The following WIZ variants were observed in gnomAD, a reference collection of about 807,000 sequenced individuals.
The protein encoded by WIZ is protein Wiz.
A neutral mutation model predicts 140.2 loss-of-function variants in WIZ; 25 were observed. That is an observed-to-expected ratio of 0.18 (90% CI 0.13 to 0.25). The LOEUF (loss-of-function observed/expected upper bound fraction) is 0.25. Ranked by LOEUF, WIZ falls within the 10% of genes least tolerant of loss-of-function variation. The pLI is 1.00. For missense variants in WIZ, 2,231 were observed against 2,632.6 expected (o/e 0.85, Z 3.34); for synonymous variants, 1,125 against 1,154.3 (o/e 0.97, Z 0.51).
chr19:15,427,895 C>T lies in WIZ; in HGVS notation c.3814+215G>A, dbSNP rs886817398. Among the ~76,000 whole-genome samples the T allele has an allele frequency of 9.9e-5, 15 of 152,212 alleles. No individual in the cohort carries two copies. Among genetic ancestry groups the T allele is most frequent in the African/African-American group, 3.1e-4 (13 of 41,454 alleles). The stretch of plus-strand genomic sequence containing the variant: ...TGCACACTAAAAGGCAGGATCTCCC[C>T]ACCTTGGCCTTCATTCTCAGGAAGG... On this transcript the variant is annotated intron_variant, in intron 8 of 12. Transcript: ENST00000673675. The surrounding 1 kb of genome is among the most constrained non-coding windows in gnomAD (Gnocchi z 6.4).
In WIZ at chr19:15,434,597, A is replaced by AC. The variant is rs1023977714; in HGVS notation, c.2740+2208_2740+2209insG. Reference sequence around the variant, plus strand: ...CGAGACTCCATCTCAAAAAAAAAAAAAAAAAGAAGGAATAGTATCAAAGGA... The same window carrying AC: ...CGAGACTCCATCTCAAAAAAAAAAAACAAAAAGAAGGAATAGTATCAAAGGA... On this transcript the variant is annotated intron_variant, in intron 5 of 12. Coordinates refer to ENST00000673675, the MANE Select transcript of WIZ (RefSeq NM_001371589.1). 1.5e-4 allele frequency among the ~76,000 whole-genome samples: 23 copies of AC among 151,676 alleles called. No individual in the cohort carries two copies. In the East Asian group the frequency reaches 4.3e-3, roughly 28 times the overall value.
Position 15,440,154 on chromosome 19 carries a change from T to C in WIZ, c.840A>G (p.Leu280=), listed in dbSNP as rs1196418679. The C allele has an allele frequency of 7.2e-6, 11 of 1,532,384 alleles. No individual in the cohort carries two copies. Among genetic ancestry groups the C allele is most frequent in the Middle Eastern group, 1.7e-4 (1 of 5,960 alleles). The allele number at this position is 1,532,384 out of a possible 1,614,324, so 94.9% of individuals were successfully genotyped here. Residue 280 remains leucine, a synonymous_variant, in exon 4 of 13, where the codon CTA becomes CTG. Coordinates refer to ENST00000673675, the MANE Select transcript of WIZ (RefSeq NM_001371589.1). This position sits in a 1 kb window ranked among gnomAD's most constrained non-coding sequence, Gnocchi z 6.2. Reference sequence around the variant, plus strand: ...AGGGCCCGGTCCGGATCGGGGGCAGTAGCGGCTGCAGCCGCTCCACAGAAG... The same window carrying C: ...AGGGCCCGGTCCGGATCGGGGGCAGCAGCGGCTGCAGCCGCTCCACAGAAG... The part of the protein sequence containing the change: ...SEASVERLQP[L]LPPIRTGPYL...
chr19:15,433,224 G>C (rs1010678673), intron 5 of WIZ: 9 of 983,178 alleles, frequency 9.2e-6, no homozygotes, highest in Non-Finnish European at 8.5e-6. Flanking sequence ...GTCCCCCGAC[G>C]GTGCCGTTCC....
chr19:15,426,853 C>G, intron 9 of WIZ, 129 bp downstream of exon 9: 3 of 1,095,450 alleles, frequency 2.7e-6, no homozygotes, highest in Non-Finnish European at 3.9e-6. Context: ...ACACAGCTAA[C>G]CCTGTGTCCT....
At position 15,428,126 on chromosome 19, in the gene WIZ, C is replaced by T. The variant is rs553363496; in HGVS notation, c.3798G>A (p.Pro1266=). 75 of 1,534,096 alleles carry T rather than the reference C, an allele frequency of 4.9e-5. 1 individual carries two copies. In the African/African-American group the frequency reaches 7.1e-4, roughly 15 times the overall value. ...AGAACCTACAGAGGTTGAGAGGAGA[C>T]GGCTCCACATCAGAGGCCCAGAAAA... The part of the protein sequence containing the change: ...AGIFWASDVE[P]SPLNLSSGPE... Residue 1266 remains proline (P), a synonymous_variant, in exon 8 of 13, where the codon CCG becomes CCA. Coordinates refer to ENST00000673675, the MANE Select transcript of WIZ (RefSeq NM_001371589.1). This position sits in a 1 kb window ranked among gnomAD's most constrained non-coding sequence, Gnocchi z 6.4.
chr19:15,439,209 C>T lies in WIZ; in HGVS notation c.1785G>A (p.Gly595=), dbSNP rs1024760873. ...LASTPYSLQL[G]RNKSTVHPQG... The stretch of plus-strand genomic sequence containing the variant: ...GTGGGTGGACGGTGCTTTTGTTTCT[C>T]CCGAGCTGTAAGGAGTAGGGGGTGG... The change falls in exon 4 of 13, where the codon GGG becomes GGA. Residue 595 remains glycine, a synonymous_variant. Transcript: ENST00000673675. The surrounding 1 kb of genome is among the most constrained non-coding windows in gnomAD (Gnocchi z 7.0). 55 of 1,535,640 alleles carry T rather than the reference C, an allele frequency of 3.6e-5. No individual in the cohort carries two copies. In the African/African-American group the frequency reaches 6.4e-4, roughly 18 times the overall value.
Position 15,425,588 on chromosome 19 carries a change from G to A in WIZ, c.4547C>T (p.Pro1516Leu), listed in dbSNP as rs771525967. The change falls in exon 10 of 13, where the codon CCG (proline) becomes CTG (leucine). Residue 1516 changes from proline (P) to leucine (L), a missense_variant. Pro to Leu is a moderately conservative substitution (Grantham distance 98). This residue lies in a region of WIZ where 393 missense variants were observed against 451.7 expected (regional missense o/e 0.87). Transcript: ENST00000673675. ...CGGTGGCTCCTTCTTGATGAGGCAC[G>A]GCTTGGACTTCTTCTTGAGGATCTC... ...LREILKKKSK[P>L]CLIKKEPPAG... 1.6e-5 allele frequency: 26 copies of A among 1,613,466 alleles called. No homozygotes were observed. The Admixed American group carries it at 3.2e-4, about 20-fold the overall frequency.
intron 2 of WIZ, among the ~76,000 whole-genome samples, chr19:15,443,502 C>T (rs1425890419): frequency 6.6e-6 from 1 of 152,206 alleles, no homozygotes. Context: ...CCTCAGGAAG[C>T]CCCAAGCCCA....
In WIZ at chr19:15,421,792, C is replaced by T. The variant is rs1184068196; in HGVS notation, c.*1284G>A. ...CCTGCCTTTGATAAGCTCCTCTAGC[C>T]TCAACTGCTTCTTGATCCTGGCTCC... On this transcript the variant is annotated 3_prime_UTR_variant, in exon 13 of 13. Coordinates refer to ENST00000673675, the MANE Select transcript of WIZ (RefSeq NM_001371589.1). The T allele has an allele frequency of 6.6e-6, 1 of 152,298 alleles. No individual in the cohort carries two copies. Among genetic ancestry groups the T allele is most frequent in the East Asian group, 1.9e-4 (1 of 5,198 alleles). 9.4% of individuals were successfully genotyped at this position (152,298 alleles called of 1,614,324 possible).
rs755763009 is a variant in WIZ, at chr19:15,427,289, G to A, written c.4059C>T (p.Gly1353=). The A allele has an allele frequency of 1.3e-5, 21 of 1,613,546 alleles. No homozygotes were observed. The East Asian group carries it at 3.3e-4, about 26-fold the overall frequency. The change falls in exon 9 of 13, where the codon GGC becomes GGT. Residue 1353 remains glycine, a synonymous_variant. Coordinates refer to ENST00000673675, the MANE Select transcript of WIZ (RefSeq NM_001371589.1). This position sits in a 1 kb window ranked among gnomAD's most constrained non-coding sequence, Gnocchi z 6.4. ...PSPKALAKMM[G]GAGPGSSLEA... is the part of the protein sequence containing the mutation. ...CCAGTGAGCTGCCAGGACCTGCGCC[G>A]CCCATCATCTTGGCCAGGGCTTTTG...
chr19:15,448,515 T>G, intron 1 of WIZ, 148 bp from the exon 2 acceptor site: 1 of 632,728 alleles, frequency 1.6e-6, no homozygotes, highest in South Asian at 2.0e-5. Flanking sequence ...GTTCAGACCT[T>G]TTCCACACAC....
chr19:15,428,538 CGGCCGCCACCTT>C lies in WIZ; in HGVS notation c.3416-42_3416-31del. The stretch of plus-strand genomic sequence containing the variant: ...GGAGACAAAACACAGGGGGGGTTCA[CGGCCGCCACCTT>C]GGCCGGCCTTGGGGGCCTGAGGTAG... On this transcript the variant is annotated intron_variant, in intron 7 of 12. Coordinates refer to ENST00000673675, the MANE Select transcript of WIZ (RefSeq NM_001371589.1). This position sits in a 1 kb window ranked among gnomAD's most constrained non-coding sequence, Gnocchi z 6.4. 1.3e-6 allele frequency: 2 copies of C among 1,534,876 alleles called. No individual in the cohort carries two copies. The highest frequency in any genetic ancestry group is 1.7e-6 in the Non-Finnish European group (2 of 1,146,606).
Position 15,437,232 on chromosome 19 carries a change from C to T in WIZ, c.2417-103G>A, listed in dbSNP as rs1223481425. On this transcript the variant is annotated intron_variant, in intron 4 of 12. Coordinates refer to ENST00000673675, the MANE Select transcript of WIZ (RefSeq NM_001371589.1). ...TTCACCCTGGACTGCCTTTCTTCCC[C>T]GTGGCTGTCCCTTTTGCTCCTGCCT... The T allele has an allele frequency of 2.8e-5, 32 of 1,150,392 alleles. No homozygotes were observed. The East Asian group carries it at 5.8e-4, about 21-fold the overall frequency. 71.3% of individuals were successfully genotyped at this position (1,150,392 alleles called of 1,614,324 possible). A position where few individuals can be genotyped will look rare whatever the true frequency, so the allele number is the denominator to read the frequency against.
chr19:15,424,323 C>A lies in WIZ; in HGVS notation c.5370G>T (p.Glu1790Asp). 6.2e-7 allele frequency: 1 copy of A among 1,604,158 alleles called. No homozygotes were observed. Among genetic ancestry groups the A allele is most frequent in the Non-Finnish European group, 8.5e-7 (1 of 1,177,092 alleles). Residue 1790 changes from glutamate to aspartate, a missense_variant, in exon 12 of 13, where the codon GAG (glutamate) becomes GAT (aspartate). This residue lies in a region of WIZ where 299 missense variants were observed against 309.6 expected (regional missense o/e 0.97). Coordinates refer to ENST00000673675, the MANE Select transcript of WIZ (RefSeq NM_001371589.1). The surrounding 1 kb of genome is among the most constrained non-coding windows in gnomAD (Gnocchi z 9.7). ...PPDASAARGGEDTNDLQQKLE... is the reference protein window; with the variant it reads ...PPDASAARGGDDTNDLQQKLE... Reference sequence around the variant, plus strand: ...GCTTCTGCTGTAGGTCATTGGTGTCCTCGCCTCCCCGGGCTGCGGAGGCAT... The same window carrying A: ...GCTTCTGCTGTAGGTCATTGGTGTCATCGCCTCCCCGGGCTGCGGAGGCAT...
Position 15,424,235 on chromosome 19 carries a change from G to A in WIZ, c.5458C>T (p.Pro1820Ser). 1 of 1,582,010 alleles carries A rather than the reference G, an allele frequency of 6.3e-7. No homozygotes were observed. The highest frequency in any genetic ancestry group is 8.6e-7 in the Non-Finnish European group (1 of 1,167,224). ...ACGAACTTGACAAGTGATGTCTGGG[G>A]GGGCCGGGGCACCAGGGAGGGGACT... ...RPVPSLVPRP[P>S]QTSLVKFVGN... is the part of the protein sequence containing the mutation. Residue 1820 changes from proline (P) to serine (S), a missense_variant, in exon 12 of 13, where the codon CCC (proline) becomes TCC (serine). By Grantham distance (74) the Pro-to-Ser change is moderately conservative (BLOSUM62 -1). This residue lies in a region of WIZ where 299 missense variants were observed against 309.6 expected (regional missense o/e 0.97). Coordinates refer to ENST00000673675, the MANE Select transcript of WIZ (RefSeq NM_001371589.1). This position sits in a 1 kb window ranked among gnomAD's most constrained non-coding sequence, Gnocchi z 9.7.
At chr19:15,449,041 C>A (rs372957784) in intron 1 of WIZ, among the ~76,000 whole-genome samples, 6 of 152,254 alleles carry the variant, frequency 3.9e-5, no homozygotes, top group Admixed American at 6.5e-5. Context: ...CCAGCTTGGG[C>A]TCCTCCATTC....
chr19:15,448,983 C>T (rs914549409), intron 1 of WIZ, among the ~76,000 whole-genome samples: 2 of 151,884 alleles, frequency 1.3e-5, no homozygotes, highest in African/African-American at 4.8e-5. Context: ...TCAAGTGACC[C>T]CAGCATTAAC....
In WIZ at chr19:15,440,078, C is replaced by T. The variant is rs1969676559; in HGVS notation, c.916G>A (p.Glu306Lys). The change falls in exon 4 of 13, where the codon GAG becomes AAG. Residue 306 changes from glutamate (E) to lysine (K), a missense_variant. By Grantham distance (56) the Glu-to-Lys change is moderately conservative. This residue lies in a region of WIZ where 307 missense variants were observed against 294.1 expected (regional missense o/e 1.04). Transcript: ENST00000673675. This position sits in a 1 kb window ranked among gnomAD's most constrained non-coding sequence, Gnocchi z 6.2. ...ACGGCCGGCTCCTCGTCCTCGTCCT[C>T]ATCTGGGCTGGCCACCCCTTCGGCC... The part of the protein sequence containing the change: ...EVAEGVASPD[E>K]DEDEEPAVFP... The T allele has an allele frequency of 2.6e-6, 4 of 1,535,588 alleles. No homozygotes were observed. Among genetic ancestry groups the T allele is most frequent in the Non-Finnish European group, 3.5e-6 (4 of 1,146,612 alleles).
chr19:15,446,908 A>G (rs1233501239), intron 2 of WIZ, among the ~76,000 whole-genome samples: 1 of 152,220 alleles, frequency 6.6e-6, no homozygotes, highest in Non-Finnish European at 1.5e-5. Flanking sequence ...TCCGAGCATC[A>G]TGAGTTGTAA....
Sources: allele counts gnomAD v4.1 joint callset (sites outside exome capture counted in the v4.1 genomes callset), GRCh38; gene constraint gnomAD v4.1.1; regional missense constraint gnomAD v4.1.1; non-coding constraint Gnocchi (gnomAD v3.1); transcripts MANE v1.5; gene names NCBI Gene and HGNC (gene_info 2026-07-23, HGNC 2026-07-21).